Variants in RGS9BP observed in about 807,000 individuals in gnomAD.
RGS9BP encodes regulator of G protein signaling 9 binding protein, also known as regulator of G protein signaling 9-binding protein.
RGS9BP carries 1 observed loss-of-function variant against 3.8 expected under a neutral mutation model. That is an observed-to-expected ratio of 0.26 (90% CI 0.09 to 1.24). The LOEUF (loss-of-function observed/expected upper bound fraction) is 1.24, where lower values mean the gene tolerates loss of function less well. Among genes scored for constraint, RGS9BP ranks in the 50% most tolerant of loss-of-function variants. The pLI is 0.48. For synonymous variants in RGS9BP, 200 were observed against 177.8 expected, an observed-to-expected ratio of 1.13 and a Z score of -1.00; for missense variants, 363 against 344.3, an observed-to-expected ratio of 1.05 and a Z score of -0.43.
In RGS9BP at chr19:32,678,191, G is replaced by T. The variant is rs10417773; in HGVS notation, c.*1220G>T. 0.095 allele frequency: 15,843 copies of T among 166,724 alleles called. 1,463 individuals are homozygous for T. The highest frequency in any genetic ancestry group is 0.25 in the African/African-American group (10,175 of 41,304). The allele number at this position is 166,724 out of a possible 1,614,324, so 10.3% of individuals were successfully genotyped here. A position where few individuals can be genotyped will look rare whatever the true frequency, so the allele number is the denominator to read the frequency against. Reference sequence around the variant, plus strand: ...GCCATGAACTCATACCTGCCAATGAGTCAAACATAGTATCTTTATGTAGAT... The same window carrying T: ...GCCATGAACTCATACCTGCCAATGATTCAAACATAGTATCTTTATGTAGAT... On this transcript the variant is annotated 3_prime_UTR_variant, in exon 1 of 1. Coordinates refer to ENST00000334176, the MANE Select transcript of RGS9BP (RefSeq NM_207391.3).
rs1968002536 is a variant in RGS9BP at position 32,676,512 on chromosome 19, G to C, written c.249G>C (p.Ser83=). Residue 83 remains serine, a synonymous_variant, in exon 1 of 1, where the codon TCG becomes TCC. Transcript: ENST00000334176. The part of the protein sequence containing the change: ...AEFERLWVAF[S]GCLDLLEADM... Reference sequence around the variant, plus strand: ...TCGAGCGGCTCTGGGTGGCCTTCTCGGGCTGCCTGGACCTGCTGGAAGCGG... The same window carrying C: ...TCGAGCGGCTCTGGGTGGCCTTCTCCGGCTGCCTGGACCTGCTGGAAGCGG... 2.0e-6 allele frequency: 3 copies of C among 1,531,212 alleles called. No homozygotes were observed. Among genetic ancestry groups the C allele is most frequent in the Non-Finnish European group, 1.7e-6 (2 of 1,145,792 alleles). The allele number at this position is 1,531,212 out of a possible 1,614,324, so 94.9% of individuals were successfully genotyped here.
Position 32,676,551 on chromosome 19 carries a change from G to A in RGS9BP, c.288G>A (p.Ala96=), listed in dbSNP as rs976504388. The part of the protein sequence containing the change: ...LDLLEADMRR[A]LELGAAFPLH... ...TGCTGGAAGCGGACATGCGACGCGC[G>A]CTGGAGCTGGGCGCCGCGTTCCCGC... Residue 96 remains alanine (A), a synonymous_variant, in exon 1 of 1, where the codon GCG becomes GCA. Coordinates refer to ENST00000334176, the MANE Select transcript of RGS9BP (RefSeq NM_207391.3). 11 of 1,456,008 alleles carry A rather than the reference G, an allele frequency of 7.6e-6. No individual in the cohort carries two copies. The highest frequency in any genetic ancestry group is 2.7e-5 in the Admixed American group (1 of 37,460). 90.2% of individuals were successfully genotyped at this position (1,456,008 alleles called of 1,614,324 possible).
rs1568426625 is a variant in RGS9BP at position 32,676,840 on chromosome 19, CCCT to C, written c.582_584del (p.Ser195del). ...GCTCCTGTCCACGGTCAGCGCCGGC[CCCT>C]CCTCGGTCGTGTCCTTGCAGGAGCG... is the stretch of plus-strand genomic sequence containing the variant. On this transcript the variant is annotated inframe_deletion, in exon 1 of 1. Transcript: ENST00000334176. The C allele has an allele frequency of 1.9e-6, 3 of 1,588,344 alleles. No individual in the cohort carries two copies. Among genetic ancestry groups the C allele is most frequent in the East Asian group, 2.3e-5 (1 of 44,296 alleles).
Position 32,677,022 on chromosome 19 carries a change from C to A in RGS9BP, c.*51C>A. 1 of 1,488,406 alleles carries A rather than the reference C, an allele frequency of 6.7e-7. No homozygotes were observed. The highest frequency in any genetic ancestry group is 9.2e-7 in the Non-Finnish European group (1 of 1,084,410). The allele number at this position is 1,488,406 out of a possible 1,614,324, so 92.2% of individuals were successfully genotyped here. ...TGCCGCTCCCTCCCCTGAGAAAAGA[C>A]TCGGGATGGGTGTGGGGTCTGGCCT... On this transcript the variant is annotated 3_prime_UTR_variant, in exon 1 of 1. Transcript: ENST00000334176.
chr19:32,675,938 C>A lies in RGS9BP; in HGVS notation c.-326C>A. ...GTTGGCACCCACGGAGGATGGGGAC[C>A]GCACCCTCAGCTTCGCAGGGAGCCA... On this transcript the variant is annotated 5_prime_UTR_variant, in exon 1 of 1. Transcript: ENST00000334176. 1 of 276,776 alleles carries A rather than the reference C, an allele frequency of 3.6e-6. No individual in the cohort carries two copies. Among genetic ancestry groups the A allele is most frequent in the East Asian group, 6.9e-5 (1 of 14,418 alleles). The allele number at this position is 276,776 out of a possible 1,614,324, so 17.1% of individuals were successfully genotyped here.
rs765184446 is a variant in RGS9BP at position 32,676,834 on chromosome 19, G to C, written c.571G>C (p.Ala191Pro). ...AGAELLSTVS[A>P]GPSSVVSLQE... Reference sequence around the variant, plus strand: ...CGCCGAGCTCCTGTCCACGGTCAGCGCCGGCCCCTCCTCGGTCGTGTCCTT... The same window carrying C: ...CGCCGAGCTCCTGTCCACGGTCAGCCCCGGCCCCTCCTCGGTCGTGTCCTT... Residue 191 changes from alanine to proline, a missense_variant, in exon 1 of 1, where the codon GCC (alanine) becomes CCC (proline). Coordinates refer to ENST00000334176, the MANE Select transcript of RGS9BP (RefSeq NM_207391.3). The C allele has an allele frequency of 6.3e-7, 1 of 1,586,176 alleles. No homozygotes were observed. The highest frequency in any genetic ancestry group is 1.3e-5 in the African/African-American group (1 of 74,864).
rs1226387555 is a variant in RGS9BP at position 32,676,252 on chromosome 19, G to A, written c.-12G>A. On this transcript the variant is annotated 5_prime_UTR_variant, in exon 1 of 1. Coordinates refer to ENST00000334176, the MANE Select transcript of RGS9BP (RefSeq NM_207391.3). ...GGGCGCGGGCGGCCGGGCCCAGCCG[G>A]AGCCCACCGCGATGGCGAGGGAGGA... The A allele has an allele frequency of 1.3e-6, 2 of 1,570,184 alleles. No homozygotes were observed. Among genetic ancestry groups the A allele is most frequent in the East Asian group, 2.3e-5 (1 of 42,724 alleles).
chr19:32,677,883 C>T lies in RGS9BP; in HGVS notation c.*912C>T, dbSNP rs1389686973. On this transcript the variant is annotated 3_prime_UTR_variant, in exon 1 of 1. Transcript: ENST00000334176. ...CCTTTGCAGGAGGGCTGGGAATCCT[C>T]TTTAGAGCACTTAATCCTATTTATC... 2 of 166,378 alleles carry T rather than the reference C, an allele frequency of 1.2e-5. No individual in the cohort carries two copies. The highest frequency in any genetic ancestry group is 1.9e-4 in the East Asian group (1 of 5,200). The allele number at this position is 166,378 out of a possible 1,614,324, so 10.3% of individuals were successfully genotyped here.
In RGS9BP at chr19:32,677,076, T is replaced by C; in HGVS notation, c.*105T>C. 2 of 973,436 alleles carry C rather than the reference T, an allele frequency of 2.1e-6. No individual in the cohort carries two copies. Among genetic ancestry groups the C allele is most frequent in the Non-Finnish European group, 3.2e-6 (2 of 622,194 alleles). 60.3% of individuals were successfully genotyped at this position (973,436 alleles called of 1,614,324 possible). A position where few individuals can be genotyped will look rare whatever the true frequency, so the allele number is the denominator to read the frequency against. On this transcript the variant is annotated 3_prime_UTR_variant, in exon 1 of 1. Coordinates refer to ENST00000334176, the MANE Select transcript of RGS9BP (RefSeq NM_207391.3). ...CAAGGGGAGTGGTCCTAAAACCCCG[T>C]GTGTGCATGGGTACACGCGCGTTTC...
chr19:32,676,593 G>A lies in RGS9BP; in HGVS notation c.330G>A (p.Arg110=). The A allele has an allele frequency of 6.4e-6, 9 of 1,408,978 alleles. No individual in the cohort carries two copies. The highest frequency in any genetic ancestry group is 8.2e-6 in the Non-Finnish European group (9 of 1,094,574). 87.3% of individuals were successfully genotyped at this position (1,408,978 alleles called of 1,614,324 possible). A position where few individuals can be genotyped will look rare whatever the true frequency, so the allele number is the denominator to read the frequency against. ...CGTTCCCGCTGCACGCGCCGCGGCG[G>A]CCGCTGGTGCGCACAGGTGTGGCTG... is the stretch of plus-strand genomic sequence containing the variant. The part of the protein sequence containing the change: ...GAAFPLHAPR[R]PLVRTGVAGA... Residue 110 remains arginine, a synonymous_variant, in exon 1 of 1, where the codon CGG becomes CGA. Transcript: ENST00000334176.
Position 32,676,174 on chromosome 19 carries a change from C to G in RGS9BP, c.-90C>G, listed in dbSNP as rs1024986514. The G allele has an allele frequency of 1.1e-6, 1 of 878,134 alleles. No individual in the cohort carries two copies. Among genetic ancestry groups the G allele is most frequent in the Admixed American group, 2.6e-5 (1 of 37,904 alleles). 54.4% of individuals were successfully genotyped at this position (878,134 alleles called of 1,614,324 possible). On this transcript the variant is annotated 5_prime_UTR_variant, in exon 1 of 1. Coordinates refer to ENST00000334176, the MANE Select transcript of RGS9BP (RefSeq NM_207391.3). ...TGAAGAGCGTTCGTGCCGCGCGGCC[C>G]AAGGCCGGGATGGGGGTTAGCCACA...
At position 32,677,721 on chromosome 19, in the gene RGS9BP, G is replaced by A. The variant is rs114025965; in HGVS notation, c.*750G>A. 0.036 allele frequency: 5,970 copies of A among 167,236 alleles called. 125 individuals carry two copies. Among genetic ancestry groups the A allele is most frequent in the Middle Eastern group, 0.071 (21 of 296 alleles). The allele number at this position is 167,236 out of a possible 1,614,324, so 10.4% of individuals were successfully genotyped here. A position where few individuals can be genotyped will look rare whatever the true frequency, so the allele number is the denominator to read the frequency against. On this transcript the variant is annotated 3_prime_UTR_variant, in exon 1 of 1. Transcript: ENST00000334176. ...TGCGCACACTTGCCTGCGGAAAAGG[G>A]CTCTCCCCAGCCACCCGGAGATGGG...
chr19:32,676,987 C>G lies in RGS9BP; in HGVS notation c.*16C>G, dbSNP rs1233107375. ...GCTGAGCTGACGGACACCCGACGGC[C>G]GCCTGCTGCTGCCGCTCCCTCCCCT... is the stretch of plus-strand genomic sequence containing the variant. On this transcript the variant is annotated 3_prime_UTR_variant, in exon 1 of 1. Transcript: ENST00000334176. The G allele has an allele frequency of 6.3e-7, 1 of 1,584,196 alleles. No homozygotes were observed. Among genetic ancestry groups the G allele is most frequent in the Non-Finnish European group, 8.6e-7 (1 of 1,164,694 alleles).
chr19:32,677,074 C>T lies in RGS9BP; in HGVS notation c.*103C>T. The T allele has an allele frequency of 9.9e-7, 1 of 1,005,782 alleles. No homozygotes were observed. Among genetic ancestry groups the T allele is most frequent in the South Asian group, 1.4e-5 (1 of 72,584 alleles). The allele number at this position is 1,005,782 out of a possible 1,614,324, so 62.3% of individuals were successfully genotyped here. ...TGCAAGGGGAGTGGTCCTAAAACCCCGTGTGTGCATGGGTACACGCGCGTT... is the reference window on the plus strand; with the variant it reads ...TGCAAGGGGAGTGGTCCTAAAACCCTGTGTGTGCATGGGTACACGCGCGTT... On this transcript the variant is annotated 3_prime_UTR_variant, in exon 1 of 1. Transcript: ENST00000334176.
rs758345947 is a variant in RGS9BP, at chr19:32,676,746, C to T, written c.483C>T (p.Ile161=). The T allele has an allele frequency of 3.2e-5, 50 of 1,573,642 alleles. No homozygotes were observed. The highest frequency in any genetic ancestry group is 1.7e-4 in the Middle Eastern group (1 of 6,046). The change falls in exon 1 of 1, where the codon ATC becomes ATT. Residue 161 remains isoleucine, a synonymous_variant. Coordinates refer to ENST00000334176, the MANE Select transcript of RGS9BP (RefSeq NM_207391.3). ...EREVLQVGEM[I]DNMEMKVNVP... ...AGGTCCTTCAGGTGGGCGAGATGAT[C>T]GACAACATGGAGATGAAGGTCAACG...
chr19:32,676,882 G>C lies in RGS9BP; in HGVS notation c.619G>C (p.Asp207His), dbSNP rs2055770918. ...VSLQERGGGC[D>H]PRKALAAILF... ...CTTGCAGGAGCGCGGGGGGGGTTGC[G>C]ACCCCAGGAAGGCCCTGGCCGCCAT... The change falls in exon 1 of 1, where the codon GAC becomes CAC. Residue 207 changes from aspartate to histidine, a missense_variant. By Grantham distance (81) the Asp-to-His change is moderately conservative. Transcript: ENST00000334176. 6.3e-7 allele frequency: 1 copy of C among 1,595,746 alleles called. No individual in the cohort carries two copies. Among genetic ancestry groups the C allele is most frequent in the Non-Finnish European group, 8.5e-7 (1 of 1,176,536 alleles).
Position 32,677,236 on chromosome 19 carries a change from T to G in RGS9BP, c.*265T>G. 1 of 556,546 alleles carries G rather than the reference T, an allele frequency of 1.8e-6. No homozygotes were observed. Among genetic ancestry groups the G allele is most frequent in the Non-Finnish European group, 3.3e-6 (1 of 299,586 alleles). 34.5% of individuals were successfully genotyped at this position (556,546 alleles called of 1,614,324 possible). A position where few individuals can be genotyped will look rare whatever the true frequency, so the allele number is the denominator to read the frequency against. On this transcript the variant is annotated 3_prime_UTR_variant, in exon 1 of 1. Coordinates refer to ENST00000334176, the MANE Select transcript of RGS9BP (RefSeq NM_207391.3). ...CCCTATTAATAGAAAACCGTCACAG[T>G]GACCCTAGATCCCTCCGAGTTAATG...
chr19:32,676,318 T>C lies in RGS9BP; in HGVS notation c.55T>C (p.Cys19Arg), dbSNP rs777325666. The C allele has an allele frequency of 6.2e-7, 1 of 1,610,150 alleles. No individual in the cohort carries two copies. Among genetic ancestry groups the C allele is most frequent in the Admixed American group, 1.7e-5 (1 of 59,886 alleles). Residue 19 changes from cysteine (C) to arginine (R), a missense_variant, in exon 1 of 1, where the codon TGC becomes CGC. Cys to Arg is a radical substitution (Grantham distance 180). Transcript: ENST00000334176. ...LLDGLNKTTA[C>R]YHHLVLTVGG... The stretch of plus-strand genomic sequence containing the variant: ...GGACGGGCTCAACAAGACGACTGCG[T>C]GCTACCACCACCTGGTGCTGACCGT...
chr19:32,676,001 A>G lies in RGS9BP; in HGVS notation c.-263A>G, dbSNP rs1306919447. The stretch of plus-strand genomic sequence containing the variant: ...GGGCGGTGCAGAGACACGACGTGTG[A>G]CTCGGAGTGCGCCTGGGGAGGATGG... On this transcript the variant is annotated 5_prime_UTR_variant, in exon 1 of 1. An upstream open reading frame in the 5' UTR loses its in-frame stop. Transcript: ENST00000334176. 2.1e-6 allele frequency: 1 copy of G among 471,856 alleles called. No individual in the cohort carries two copies. The highest frequency in any genetic ancestry group is 3.7e-6 in the Non-Finnish European group (1 of 267,028). The allele number at this position is 471,856 out of a possible 1,614,324, so 29.2% of individuals were successfully genotyped here.
Sources: allele counts gnomAD v4.1 joint callset, GRCh38; gene constraint gnomAD v4.1.1; transcripts MANE v1.5; gene names NCBI Gene and HGNC (gene_info 2026-07-23, HGNC 2026-07-21).